Variants in SMIM36 observed in about 807,000 individuals in gnomAD.
SMIM36 encodes the protein small integral membrane protein 36.
intron 4 of SMIM36, among the ~76,000 whole-genome samples, chr17:55,459,407 G>A (rs1482507143): frequency 6.6e-6 from 1 of 151,950 alleles, no homozygotes; most frequent in African/African-American, 2.4e-5. Flanking sequence ...AAACCTATTT[G>A]GTATATGTCC....
chr17:55,511,220 C>A (rs1414186159), exon 1 of SMIM36: 3 of 398,550 alleles, frequency 7.5e-6, no homozygotes, highest in African/African-American at 6.2e-5. Flanking sequence ...GGATCCTTGC[C>A]TCGGCAGTCG....
the SMIM36 span, among the ~76,000 whole-genome samples, chr17:55,517,461 G>A: frequency 1.3e-5 from 2 of 152,326 alleles, no homozygotes; most frequent in South Asian, 4.1e-4. Flanking sequence ...AGCTTGGGAG[G>A]CTGAGGCAGG....
chr17:55,490,013 AAT>A (rs1280838640), intron 1 of SMIM36, among the ~76,000 whole-genome samples: 1 of 139,124 alleles, frequency 7.2e-6, no homozygotes, highest in African/African-American at 2.7e-5. Flanking sequence ...TGCGCCTGGC[AAT>A]ATTTTTTTTT....
Position 55,510,004 on chromosome 17 carries a change from A to G in SMIM36, c.*174+875T>C, listed in dbSNP as rs112041907. ...TTTTATGAGGCATATGGAAGGAAAT[A>G]TTATCAGTGATCATCATCATAGCTA... On this transcript the variant is annotated intron_variant, in intron 1 of 4. Transcript: ENST00000636752. Among the ~76,000 whole-genome samples the G allele has an allele frequency of 7.5e-3, 1,147 of 152,176 alleles. 17 individuals are homozygous for G. The highest frequency in any genetic ancestry group is 0.026 in the African/African-American group (1,100 of 41,524).
chr17:55,501,635 A>T (rs1909983207), intron 1 of SMIM36, among the ~76,000 whole-genome samples: 1 of 141,294 alleles, frequency 7.1e-6, no homozygotes, highest in Non-Finnish European at 1.5e-5. Context: ...AATATACATA[A>T]TGAGAAATTT....
At chr17:55,501,272 T>TAC (rs1262235276) in intron 1 of SMIM36, among the ~76,000 whole-genome samples, 1 of 35,864 alleles carries the variant, frequency 2.8e-5, no homozygotes, top group Non-Finnish European at 4.5e-5. Flanking sequence ...TTATAATATA[T>TAC]TATATTATAT....
At chr17:55,512,221 A>G (rs1220390922), upstream of SMIM36, among the ~76,000 whole-genome samples, 1 of 152,230 alleles carries the variant, frequency 6.6e-6, no homozygotes, top group African/African-American at 2.4e-5. Flanking sequence ...AGCCACAAAG[A>G]ACTGCATATG....
the SMIM36 span, among the ~76,000 whole-genome samples, chr17:55,523,400 C>T: frequency 1.1e-4 from 16 of 151,996 alleles, no homozygotes; most frequent in East Asian, 7.7e-4. Flanking sequence ...CATGGTGGCA[C>T]GCACCTGTAG....
chr17:55,485,187 G>A (rs1909582849), intron 1 of SMIM36, among the ~76,000 whole-genome samples: 1 of 152,002 alleles, frequency 6.6e-6, no homozygotes, highest in Non-Finnish European at 1.5e-5. Flanking sequence ...GATAATTACT[G>A]GTGATAATTT....
At position 55,469,255 on chromosome 17, in the gene SMIM36, C is replaced by A. The variant is rs989239192; in HGVS notation, c.*348-1927G>T. ...TTACAGTTTCGTTCCGCGACTAGCTCTTCCCCACTTGCCCCAAAATTGCCT... is the reference window on the plus strand; with the variant it reads ...TTACAGTTTCGTTCCGCGACTAGCTATTCCCCACTTGCCCCAAAATTGCCT... On this transcript the variant is annotated intron_variant, in intron 3 of 4. Coordinates refer to ENST00000636752, the Ensembl canonical transcript of SMIM36. 5.3e-5 allele frequency among the ~76,000 whole-genome samples: 8 copies of A among 152,320 alleles called. No individual in the cohort carries two copies. In the East Asian group the frequency reaches 1.4e-3, roughly 26 times the overall value.
At chr17:55,463,259 T>C (rs966112525) in intron 4 of SMIM36, among the ~76,000 whole-genome samples, 2 of 151,958 alleles carry the variant, frequency 1.3e-5, no homozygotes, top group African/African-American at 4.8e-5. Flanking sequence ...CTAATAACAA[T>C]AACTAATAAT....
the SMIM36 span, among the ~76,000 whole-genome samples, chr17:55,529,609 T>TACACAC: frequency 0.011 from 1,525 of 142,992 alleles, 23 homozygotes; most frequent in African/African-American, 0.034. Context: ...CTACTAAAAA[T>TACACAC]ACACACACAC....
chr17:55,490,479 T>C (rs1435107446), intron 1 of SMIM36, among the ~76,000 whole-genome samples: 1 of 152,170 alleles, frequency 6.6e-6, no homozygotes, highest in African/African-American at 2.4e-5. Flanking sequence ...AAAGAATAAT[T>C]TTAACTCTTG....
chr17:55,459,928 G>T (rs1567862558), intron 4 of SMIM36, among the ~76,000 whole-genome samples: 1 of 152,004 alleles, frequency 6.6e-6, no homozygotes, highest in Non-Finnish European at 1.5e-5. Flanking sequence ...AGGGGTTGGT[G>T]GCTGTAGTAA....
At chr17:55,532,126 C>T in the SMIM36 span, among the ~76,000 whole-genome samples, 3 of 152,210 alleles carry the variant, frequency 2.0e-5, no homozygotes, top group Admixed American at 2.0e-4. Flanking sequence ...CTCCTCATTT[C>T]TGCTGTTAAC....
intron 1 of SMIM36, among the ~76,000 whole-genome samples, chr17:55,491,852 C>A (rs920982678): frequency 6.6e-6 from 1 of 152,194 alleles, no homozygotes; most frequent in Admixed American, 6.5e-5. Context: ...TCTTCAACAT[C>A]AGAGTGAAAG....
intron 4 of SMIM36, among the ~76,000 whole-genome samples, chr17:55,461,970 A>G (rs1207434984): frequency 6.6e-6 from 1 of 152,228 alleles, no homozygotes; most frequent in East Asian, 1.9e-4. Context: ...CTGGAGTAAC[A>G]AATGGGAAAG....
chr17:55,521,944 CACTT>C, the SMIM36 span, among the ~76,000 whole-genome samples: 4 of 151,964 alleles, frequency 2.6e-5, no homozygotes, highest in Admixed American at 6.6e-5. Context: ...CACCACCCCT[CACTT>C]AGTCTATTTT....
At chr17:55,494,247 T>A (rs770926415) in intron 1 of SMIM36, among the ~76,000 whole-genome samples, 2 of 152,132 alleles carry the variant, frequency 1.3e-5, no homozygotes, top group Non-Finnish European at 2.9e-5. Flanking sequence ...TTTGAGGTGC[T>A]TAAGATCCAG....
Sources: gnomAD v4.1 joint callset for allele counts (sites outside exome capture counted in the v4.1 genomes callset) on GRCh38, gnomAD v4.1.1 for gene constraint, MANE v1.5 for transcripts, NCBI Gene and HGNC (gene_info 2026-07-23, HGNC 2026-07-21) for gene names.